The following CNDP1 variants were observed in gnomAD, a reference collection of about 807,000 sequenced individuals.
CNDP1 encodes the protein beta-Ala-His dipeptidase.
CNDP1 carries 44 observed loss-of-function variants against 58.1 expected under a neutral mutation model. That is an observed-to-expected ratio of 0.76 (90% CI 0.60 to 0.97). CNDP1 has a LOEUF of 0.97. Among genes scored for constraint, CNDP1 ranks in the 50% least tolerant of loss-of-function variants. The pLI is 0.00. For missense variants in CNDP1, 616 were observed against 655.1 expected (o/e 0.94, Z 0.65); for synonymous variants, 254 against 252.6 (o/e 1.01, Z -0.05).
Position 74,567,398 on chromosome 18 carries a change from T to C in CNDP1, c.721T>C (p.Tyr241His), listed in dbSNP as rs1981356936. ...CAGCCAAAGGAAGCCAGCAATCACT[T>C]ACGGAACCCGGGGGAACAGCTACTT... Reference protein sequence around the residue: ...WISQRKPAITYGTRGNSYFMV... With the variant: ...WISQRKPAITHGTRGNSYFMV... Residue 241 changes from tyrosine to histidine, a missense_variant, in exon 6 of 12, where the codon TAC becomes CAC. Transcript: ENST00000358821. 1 of 1,613,934 alleles carries C rather than the reference T, an allele frequency of 6.2e-7. No individual in the cohort carries two copies. Among genetic ancestry groups the C allele is most frequent in the Non-Finnish European group, 8.5e-7 (1 of 1,179,944 alleles).
intron 1 of CNDP1, among the ~76,000 whole-genome samples, chr18:74,552,250 G>A (rs1412067403): frequency 6.6e-6 from 1 of 152,208 alleles, no homozygotes; most frequent in Admixed American, 6.5e-5. Context: ...CAAATGAGTA[G>A]TTATAGCTAT....
At chr18:74,543,904 G>A (rs58090768) in intron 1 of CNDP1, among the ~76,000 whole-genome samples, 3,285 of 152,238 alleles carry the variant, frequency 0.022, 130 homozygotes, top group African/African-American at 0.075. Flanking sequence ...GGGCAACATA[G>A]TGGGTCCCCA....
Position 74,556,338 on chromosome 18 carries a change from G to T in CNDP1, c.25G>T (p.Ala9Ser), listed in dbSNP as rs1568294613. 1.9e-6 allele frequency: 3 copies of T among 1,607,910 alleles called. No individual in the cohort carries two copies. Among genetic ancestry groups the T allele is most frequent in the South Asian group, 1.1e-5 (1 of 90,566 alleles). MDPKLGRM[A>S]ASLLAVLLLL... ...TTCCTCCCATGTCAAACCCTTCCAG[G>T]CTGCGTCCCTGCTGGCTGTGCTGCT... Residue 9 changes from alanine (A) to serine (S), a missense_variant and splice_region_variant, in exon 2 of 12, where the codon GCT becomes TCT. By Grantham distance (99) the Ala-to-Ser change is moderately conservative (BLOSUM62 1). Coordinates refer to ENST00000358821, the MANE Select transcript of CNDP1 (RefSeq NM_032649.6).
chr18:74,573,448 C>CTATCTATCTATG, intron 7 of CNDP1, among the ~76,000 whole-genome samples: 2 of 108,060 alleles, frequency 1.9e-5, no homozygotes, highest in African/African-American at 7.4e-5. Flanking sequence ...ATCTATGTAT[C>CTATCTATCTATG]TATGTATCTA....
intron 6 of CNDP1, among the ~76,000 whole-genome samples, chr18:74,569,239 T>A (rs4892242): frequency 0.89 from 135,293 of 152,138 alleles, 60,471 homozygotes; most frequent in East Asian, 0.95. Flanking sequence ...AAAGTGACCA[T>A]ACCGAAGATT....
At chr18:74,566,533 A>G (rs1326445318) in intron 5 of CNDP1, among the ~76,000 whole-genome samples, 2 of 152,208 alleles carry the variant, frequency 1.3e-5, no homozygotes, top group African/African-American at 4.8e-5. Context: ...AAGTTCCACA[A>G]ATCTCTGGGG....
rs2144583541 is a variant in CNDP1, at chr18:74,584,713, G to A, written c.*151G>A. On this transcript the variant is annotated 3_prime_UTR_variant, in exon 12 of 12. Transcript: ENST00000358821. ...AAAATGTCTTGGGATATCTGGATCA[G>A]TAATAAAATATTTCAAAGGCACAGA... is the stretch of plus-strand genomic sequence containing the variant. 1.6e-6 allele frequency: 1 copy of A among 626,432 alleles called. No individual in the cohort carries two copies. Among genetic ancestry groups the A allele is most frequent in the Non-Finnish European group, 2.9e-6 (1 of 350,646 alleles). The allele number at this position is 626,432 out of a possible 1,614,324, so 38.8% of individuals were successfully genotyped here.
At position 74,584,960 on chromosome 18, in the gene CNDP1, C is replaced by CT; in HGVS notation, c.*401dup. 5.9e-6 allele frequency: 1 copy of CT among 168,992 alleles called. No homozygotes were observed. Among genetic ancestry groups the CT allele is most frequent in the Non-Finnish European group, 1.3e-5 (1 of 77,814 alleles). The allele number at this position is 168,992 out of a possible 1,614,324, so 10.5% of individuals were successfully genotyped here. A position where few individuals can be genotyped will look rare whatever the true frequency, so the allele number is the denominator to read the frequency against. Reference sequence around the variant, plus strand: ...CATAATCATTCCATCCAATGATCGCCTTTGCTTTACCACTCTTTCCTTTTA... The same window carrying CT: ...CATAATCATTCCATCCAATGATCGCCTTTTGCTTTACCACTCTTTCCTTTTA... On this transcript the variant is annotated 3_prime_UTR_variant, in exon 12 of 12. Coordinates refer to ENST00000358821, the MANE Select transcript of CNDP1 (RefSeq NM_032649.6).
chr18:74,565,753 G>T (rs1047317521), intron 5 of CNDP1, among the ~76,000 whole-genome samples: 4 of 152,120 alleles, frequency 2.6e-5, no homozygotes, highest in African/African-American at 9.7e-5. Flanking sequence ...GTTTTTCCAG[G>T]TGCACGGTTC....
chr18:74,578,483 C>T (rs1201538882), intron 9 of CNDP1, among the ~76,000 whole-genome samples, 156 bp downstream of exon 9: 1 of 152,032 alleles, frequency 6.6e-6, no homozygotes, highest in Non-Finnish European at 1.5e-5. Context: ...CCAATATTGC[C>T]CAGTGCAGTG....
At chr18:74,551,310 A>G (rs1447506741) in intron 1 of CNDP1, among the ~76,000 whole-genome samples, 1 of 151,880 alleles carries the variant, frequency 6.6e-6, no homozygotes, top group African/African-American at 2.4e-5. Context: ...CTTTATAGCA[A>G]TACAAGAATA....
At chr18:74,554,092 G>C (rs1229793487) in intron 1 of CNDP1, among the ~76,000 whole-genome samples, 1 of 152,180 alleles carries the variant, frequency 6.6e-6, no homozygotes. Context: ...GCTGAACTTG[G>C]TGTTGGCCCT....
intron 1 of CNDP1, among the ~76,000 whole-genome samples, chr18:74,555,757 C>T (rs1378170316): frequency 1.3e-5 from 2 of 152,094 alleles, no homozygotes; most frequent in African/African-American, 2.4e-5. Context: ...CAACTCCTGA[C>T]CTCAAGTGAT....
At chr18:74,548,335 G>C (rs1190765206) in intron 1 of CNDP1, among the ~76,000 whole-genome samples, 1 of 152,058 alleles carries the variant, frequency 6.6e-6, no homozygotes, top group Non-Finnish European at 1.5e-5. Context: ...TGCAAGATCT[G>C]GTTGTTTAAA....
At chr18:74,554,800 C>T (rs147386190) in intron 1 of CNDP1, among the ~76,000 whole-genome samples, 194 of 152,276 alleles carry the variant, frequency 1.3e-3, no homozygotes, top group African/African-American at 4.5e-3. Flanking sequence ...GGGAGTCTTG[C>T]GATCTGCCCC....
intron 1 of CNDP1, among the ~76,000 whole-genome samples, chr18:74,548,482 C>T (rs373405097): frequency 2.0e-5 from 3 of 152,282 alleles, no homozygotes; most frequent in African/African-American, 7.2e-5. Flanking sequence ...GCTTATACAG[C>T]CTTCAGAACC....
At chr18:74,538,247 A>G (rs1210706174) in intron 1 of CNDP1, among the ~76,000 whole-genome samples, 1 of 152,042 alleles carries the variant, frequency 6.6e-6, no homozygotes, top group Admixed American at 6.6e-5. Flanking sequence ...GTCTCTGTAG[A>G]TTTCCCTATT....
chr18:74,544,571 A>G (rs1980708404), intron 1 of CNDP1, among the ~76,000 whole-genome samples: 1 of 152,122 alleles, frequency 6.6e-6, no homozygotes, highest in East Asian at 1.9e-4. Flanking sequence ...TCAAAAACTT[A>G]GCTGGGCATG....
chr18:74,576,891 T>G lies in CNDP1; in HGVS notation c.864T>G (p.Gly288=). Reference sequence around the variant, plus strand: ...TAGGTAGCCTGGTAGACTCGTCTGGTCATATCCTGGTCCCTGGAATCTATG... The same window carrying G: ...TAGGTAGCCTGGTAGACTCGTCTGGGCATATCCTGGTCCCTGGAATCTATG... The part of the protein sequence containing the change: ...ALLGSLVDSS[G]HILVPGIYDE... The change falls in exon 8 of 12, where the codon GGT becomes GGG. Residue 288 remains glycine (G), a synonymous_variant. Transcript: ENST00000358821. 6.2e-7 allele frequency: 1 copy of G among 1,612,586 alleles called. No individual in the cohort carries two copies. Among genetic ancestry groups the G allele is most frequent in the Non-Finnish European group, 8.5e-7 (1 of 1,179,440 alleles).
Sources: gnomAD v4.1 joint callset for allele counts (sites outside exome capture counted in the v4.1 genomes callset) on GRCh38, gnomAD v4.1.1 for gene constraint, MANE v1.5 for transcripts, NCBI Gene and HGNC (gene_info 2026-07-23, HGNC 2026-07-21) for gene names.